Variants in TUSC3 observed in about 807,000 individuals in gnomAD.
TUSC3 encodes the protein tumor suppressor candidate 3.
TUSC3 carries 45 observed loss-of-function variants against 44.8 expected under a neutral mutation model. The ratio of observed to expected loss-of-function variants is 1.00; its 90% CI spans 0.79 to 1.29. The LOEUF is 1.29. TUSC3 is among the 50% of genes most tolerant of loss of function. The pLI, the probability that TUSC3 is intolerant of heterozygous loss-of-function variation, is 0.00. For synonymous variants in TUSC3, 212 were observed against 152.9 expected, an observed-to-expected ratio of 1.39 and a Z score of -2.85; for missense variants, 519 against 437.9, an observed-to-expected ratio of 1.19 and a Z score of -1.65.
At chr8:15,573,266 C>G (rs980071627) in intron 1 of TUSC3, among the ~76,000 whole-genome samples, 2 of 143,046 alleles carry the variant, frequency 1.4e-5, no homozygotes, top group Non-Finnish European at 3.0e-5. Flanking sequence ...CATCAAGTCA[C>G]TCCTGGGAGG....
At chr8:15,592,310 C>T (rs1043127568) in intron 1 of TUSC3, among the ~76,000 whole-genome samples, 1 of 152,188 alleles carries the variant, frequency 6.6e-6, no homozygotes, top group Non-Finnish European at 1.5e-5. Context: ...ACATCTAATG[C>T]TTATTAAGCT....
rs185232017 is a variant in TUSC3, at chr8:15,506,654, A to G, written n.189+23171A>G. 4.6e-3 allele frequency among the ~76,000 whole-genome samples: 700 copies of G among 152,310 alleles called. 5 individuals carry two copies. Among genetic ancestry groups the G allele is most frequent in the Non-Finnish European group, 7.5e-3 (513 of 68,020 alleles). ...GAATGTGTGCAGGGGAAGTGCCTTTATAAAATCATCGGATCTTGTGAGACT... is the reference window on the plus strand; with the variant it reads ...GAATGTGTGCAGGGGAAGTGCCTTTGTAAAATCATCGGATCTTGTGAGACT... On this transcript the variant is annotated intron_variant and non_coding_transcript_variant, in intron 2 of 5. Coordinates refer to the TUSC3 transcript ENST00000503191.
At position 15,543,400 on chromosome 8, in the gene TUSC3, A is replaced by C. The variant is rs185262906; in HGVS notation, c.138+2832A>C. ...GTAATATTTAGTAGTTATGACAGTA[A>C]TACCACCATGGATGGATTTTTAAGT... On this transcript the variant is annotated intron_variant, in intron 1 of 10. Coordinates refer to ENST00000503731, the MANE Select transcript of TUSC3 (RefSeq NM_006765.4). Among the ~76,000 whole-genome samples, 39 of 152,302 alleles carry C rather than the reference A, an allele frequency of 2.6e-4. 1 individual carries two copies. The East Asian group carries it at 5.2e-3, about 20-fold the overall frequency.
chr8:15,698,086 C>G, intron 6 of TUSC3, among the ~76,000 whole-genome samples: 1 of 152,170 alleles, frequency 6.6e-6, no homozygotes, highest in Middle Eastern at 3.4e-3. Flanking sequence ...ATAACTTATA[C>G]TCTTTTATTT....
intron 1 of TUSC3, among the ~76,000 whole-genome samples, chr8:15,568,952 T>C (rs6992850): frequency 6.6e-5 from 10 of 152,124 alleles, no homozygotes; most frequent in African/African-American, 2.4e-4. Context: ...TTGACTACTT[T>C]CTTTAGTCAT....
At chr8:15,732,494 G>A (rs1209855903) in intron 7 of TUSC3, among the ~76,000 whole-genome samples, 1 of 151,922 alleles carries the variant, frequency 6.6e-6, no homozygotes, top group Non-Finnish European at 1.5e-5. Flanking sequence ...AATTACCCAA[G>A]CTCATGTATA....
intron 3 of TUSC3, among the ~76,000 whole-genome samples, chr8:15,658,936 C>G (rs1273749620): frequency 6.6e-6 from 1 of 152,016 alleles, no homozygotes; most frequent in African/African-American, 2.4e-5. Flanking sequence ...TTGAGGATTT[C>G]TTCTTCATTC....
chr8:15,581,751 G>T (rs1380808354), intron 1 of TUSC3, among the ~76,000 whole-genome samples: 2 of 138,204 alleles, frequency 1.4e-5, no homozygotes, highest in Admixed American at 7.3e-5. Flanking sequence ...TAAGTCTGCA[G>T]AGGTTACTGC....
chr8:15,602,475 T>A (rs535911120), intron 1 of TUSC3, among the ~76,000 whole-genome samples: 1 of 151,718 alleles, frequency 6.6e-6, no homozygotes, highest in Non-Finnish European at 1.5e-5. Flanking sequence ...AAAAGTATTG[T>A]GTTTATTTAG....
chr8:15,818,960 A>G, the TUSC3 span, among the ~76,000 whole-genome samples: 1 of 152,148 alleles, frequency 6.6e-6, no homozygotes, highest in Non-Finnish European at 1.5e-5. Flanking sequence ...GCAGTGGTTC[A>G]CACCTATACT....
the TUSC3 span, among the ~76,000 whole-genome samples, chr8:15,843,049 A>T: frequency 6.6e-6 from 1 of 152,192 alleles, no homozygotes; most frequent in South Asian, 2.1e-4. Context: ...CAGTCTCCCA[A>T]GGAAAGGAAG....
chr8:15,603,564 T>C (rs949838465), intron 1 of TUSC3, among the ~76,000 whole-genome samples: 4 of 151,718 alleles, frequency 2.6e-5, no homozygotes, highest in Admixed American at 6.6e-5. Context: ...TTATAAAAGA[T>C]AGTCATATTG....
Position 15,596,454 on chromosome 8 carries a change from C to A in TUSC3, c.139-26626C>A, listed in dbSNP as rs117028492. 7.7e-3 allele frequency among the ~76,000 whole-genome samples: 1,168 copies of A among 152,202 alleles called. 6 individuals carry two copies. Among genetic ancestry groups the A allele is most frequent in the Middle Eastern group, 0.017 (5 of 294 alleles). The stretch of plus-strand genomic sequence containing the variant: ...AAAACCTTTGCATACAGAGTGCCAA[C>A]TTTTCTTATATGCATGTTCCGCAAG... On this transcript the variant is annotated intron_variant, in intron 1 of 10. Coordinates refer to ENST00000503731, the MANE Select transcript of TUSC3 (RefSeq NM_006765.4).
chr8:15,573,840 G>C (rs1802984966), intron 1 of TUSC3, among the ~76,000 whole-genome samples: 1 of 151,948 alleles, frequency 6.6e-6, no homozygotes, highest in Non-Finnish European at 1.5e-5. Flanking sequence ...ATGTCATGGA[G>C]AATTGTTTCG....
chr8:15,736,431 C>CATA (rs1205447588), intron 7 of TUSC3, among the ~76,000 whole-genome samples: 2 of 152,032 alleles, frequency 1.3e-5, no homozygotes, highest in Non-Finnish European at 2.9e-5. Context: ...GTTTAAAACT[C>CATA]TTTATATAAT....
chr8:15,708,309 A>G (rs1336703513), intron 6 of TUSC3, among the ~76,000 whole-genome samples: 1 of 151,936 alleles, frequency 6.6e-6, no homozygotes, highest in East Asian at 1.9e-4. Context: ...GGAATAGATT[A>G]GGAAAAACCT....
At chr8:15,848,845 G>A in the TUSC3 span, among the ~76,000 whole-genome samples, 1 of 152,334 alleles carries the variant, frequency 6.6e-6, no homozygotes, top group East Asian at 1.9e-4. Context: ...GGTTGAATTA[G>A]TTGATTTCTC....
chr8:15,619,399 C>G (rs1221135947), intron 1 of TUSC3, among the ~76,000 whole-genome samples: 1 of 152,130 alleles, frequency 6.6e-6, no homozygotes, highest in Non-Finnish European at 1.5e-5. Flanking sequence ...TGCTCTTCCT[C>G]GTTTACCCTA....
chr8:15,734,958 A>G (rs1375057007), intron 7 of TUSC3, among the ~76,000 whole-genome samples: 1 of 152,220 alleles, frequency 6.6e-6, no homozygotes, highest in Non-Finnish European at 1.5e-5. Context: ...AGCTACACGT[A>G]GTAGATGCAG....
Sources: allele counts gnomAD v4.1 joint callset (sites outside exome capture counted in the v4.1 genomes callset), GRCh38; gene constraint gnomAD v4.1.1; transcripts MANE v1.5; gene names NCBI Gene and HGNC (gene_info 2026-07-23, HGNC 2026-07-21).